The following CADM2 variants were observed in gnomAD, a reference collection of about 807,000 sequenced individuals.
CADM2 encodes cell adhesion molecule 2, also known as immunoglobulin superfamily member 4D.
CADM2 carries 12 observed loss-of-function variants against 49.8 expected under a neutral mutation model. That is an observed-to-expected ratio of 0.24 (90% CI 0.15 to 0.39). The LOEUF is 0.39. Among genes scored for constraint, CADM2 ranks in the 10% least tolerant of loss-of-function variants. The pLI is 1.00. For synonymous variants in CADM2, 214 were observed against 175.4 expected (o/e 1.22, Z -1.74); for missense variants, 378 against 492.3 (o/e 0.77, Z 2.20).
intron 1 of CADM2, among the ~76,000 whole-genome samples, chr3:85,433,856 A>G (rs2036802805): frequency 6.6e-6 from 1 of 152,138 alleles, no homozygotes; most frequent in African/African-American, 2.4e-5. Context: ...CAGCACACAT[A>G]CATCACAGCA....
intron 8 of CADM2, among the ~76,000 whole-genome samples, chr3:85,977,328 G>A (rs898900967): frequency 6.6e-6 from 1 of 151,198 alleles, no homozygotes; most frequent in African/African-American, 2.4e-5. Flanking sequence ...AAACCAACAT[G>A]TTATAATCTG....
At chr3:85,435,587 G>A (rs551537597) in intron 1 of CADM2, among the ~76,000 whole-genome samples, 4 of 152,146 alleles carry the variant, frequency 2.6e-5, no homozygotes, top group South Asian at 2.1e-4. Flanking sequence ...TTGAGGAATC[G>A]CCACACTGTC....
At chr3:85,422,668 G>A (rs10433498) in intron 1 of CADM2, among the ~76,000 whole-genome samples, 38,087 of 151,862 alleles carry the variant, frequency 0.25, 4,953 homozygotes, top group South Asian at 0.34. Context: ...AGATTTTTGC[G>A]TATATGTATA....
At chr3:85,703,308 G>C (rs2066841093) in intron 1 of CADM2, among the ~76,000 whole-genome samples, 1 of 151,988 alleles carries the variant, frequency 6.6e-6, no homozygotes, top group South Asian at 2.1e-4. Context: ...TGCTTTCCCT[G>C]TCTCACTCTT....
At chr3:85,778,077 G>T (rs1342268809) in intron 2 of CADM2, among the ~76,000 whole-genome samples, 1 of 152,100 alleles carries the variant, frequency 6.6e-6, no homozygotes, top group Non-Finnish European at 1.5e-5. Context: ...GCCTAATTTG[G>T]CTCCTGCCCT....
chr3:85,931,015 T>G lies in CADM2; in HGVS notation c.701-4752T>G, dbSNP rs1033411704. Among the ~76,000 whole-genome samples the G allele has an allele frequency of 2.0e-5, 3 of 151,688 alleles. No homozygotes were observed. In the East Asian group the frequency reaches 5.8e-4, roughly 29 times the overall value. On this transcript the variant is annotated intron_variant, in intron 6 of 9. Coordinates refer to ENST00000383699, the MANE Select transcript of CADM2 (RefSeq NM_001167675.2). ...CTTCTAAACATCAGGCACCAATAAA[T>G]TTCATTTAAGCATTTAAAAATATTT...
chr3:85,944,083 C>A lies in CADM2; in HGVS notation c.791+8226C>A, dbSNP rs1238108530. Among the ~76,000 whole-genome samples, 3 of 151,982 alleles carry A rather than the reference C, an allele frequency of 2.0e-5. No homozygotes were observed. The East Asian group carries it at 5.8e-4, about 29-fold the overall frequency. Reference sequence around the variant, plus strand: ...AAATAAAGGGATGGAGGAAGATCTACCAAGCAAATGAAAAACGAAAAATGG... The same window carrying A: ...AAATAAAGGGATGGAGGAAGATCTAACAAGCAAATGAAAAACGAAAAATGG... On this transcript the variant is annotated intron_variant, in intron 7 of 9. Transcript: ENST00000383699.
intron 6 of CADM2, among the ~76,000 whole-genome samples, chr3:85,933,567 C>T (rs1468927719): frequency 1.3e-5 from 2 of 151,808 alleles, no homozygotes; most frequent in Non-Finnish European, 2.9e-5. Flanking sequence ...ATAGGCTGTA[C>T]ATACATATAA....
intron 1 of CADM2, among the ~76,000 whole-genome samples, chr3:85,313,144 G>C (rs1372799086): frequency 6.6e-6 from 1 of 152,144 alleles, no homozygotes; most frequent in African/African-American, 2.4e-5. Flanking sequence ...GTGCTAATGA[G>C]GAGAACCTTG....
chr3:85,667,522 A>G (rs1023261395), intron 1 of CADM2, among the ~76,000 whole-genome samples: 8 of 152,016 alleles, frequency 5.3e-5, no homozygotes, highest in Non-Finnish European at 8.8e-5. Context: ...TAAAATAGGT[A>G]TAAGTGAAGA....
intron 1 of CADM2, among the ~76,000 whole-genome samples, chr3:84,982,218 C>T (rs1400419263): frequency 6.6e-6 from 1 of 151,992 alleles, no homozygotes; most frequent in African/African-American, 2.4e-5. Flanking sequence ...TTCATCTTTT[C>T]AAGGTGATAG....
intron 8 of CADM2, among the ~76,000 whole-genome samples, chr3:86,006,480 T>C (rs1453276489): frequency 6.6e-6 from 1 of 152,154 alleles, no homozygotes; most frequent in Non-Finnish European, 1.5e-5. Context: ...GTTGAAGGCT[T>C]TGATTTCTCT....
intron 1 of CADM2, among the ~76,000 whole-genome samples, chr3:85,283,218 G>C (rs2043548586): frequency 6.6e-6 from 1 of 151,624 alleles, no homozygotes; most frequent in African/African-American, 2.4e-5. Context: ...TTAACAATTT[G>C]AAATTACAAT....
intron 1 of CADM2, among the ~76,000 whole-genome samples, chr3:85,031,560 G>A (rs1209953022): frequency 2.0e-5 from 3 of 152,094 alleles, no homozygotes; most frequent in Non-Finnish European, 4.4e-5. Context: ...TGTCGCCCGG[G>A]CTGGAGTGCA....
intron 1 of CADM2, among the ~76,000 whole-genome samples, chr3:85,540,191 G>A (rs891468650): frequency 5.9e-5 from 9 of 152,014 alleles, no homozygotes; most frequent in Admixed American, 3.9e-4. Context: ...ATCAAAATCT[G>A]TGTGATAAAG....
intron 6 of CADM2, among the ~76,000 whole-genome samples, chr3:85,921,609 C>T (rs770843634): frequency 2.0e-5 from 3 of 151,912 alleles, no homozygotes; most frequent in South Asian, 2.1e-4. Flanking sequence ...TAATATCTTG[C>T]GTTATTGTGT....
At chr3:85,782,616 A>G (rs955326094) in intron 2 of CADM2, among the ~76,000 whole-genome samples, 4 of 151,190 alleles carry the variant, frequency 2.6e-5, no homozygotes, top group African/African-American at 7.3e-5. Flanking sequence ...AGATCGTGCC[A>G]CTGTACTCCA....
At chr3:86,008,838 CCA>C (rs1731120729) in intron 8 of CADM2, among the ~76,000 whole-genome samples, 1 of 151,570 alleles carries the variant, frequency 6.6e-6, no homozygotes, top group Admixed American at 6.6e-5. Flanking sequence ...ACGATTTTTT[CCA>C]GTTTTCAATT....
At chr3:84,998,532 CAA>C (rs1308230262) in intron 1 of CADM2, among the ~76,000 whole-genome samples, 1 of 152,032 alleles carries the variant, frequency 6.6e-6, no homozygotes, top group East Asian at 1.9e-4. Context: ...GATCAAAATG[CAA>C]AGAGTGAAAT....
Sources: allele counts gnomAD v4.1 joint callset (sites outside exome capture counted in the v4.1 genomes callset), GRCh38; gene constraint gnomAD v4.1.1; transcripts MANE v1.5; gene names NCBI Gene and HGNC (gene_info 2026-07-23, HGNC 2026-07-21).